Variants in EFCAB6 observed in about 807,000 individuals in gnomAD.
EFCAB6 encodes EF-hand calcium binding domain 6, also known as EF-hand calcium-binding domain-containing protein 6.
Under a neutral mutation model 169.8 loss-of-function variants are expected in EFCAB6, and 156 were observed. That is an observed-to-expected ratio of 0.92 (90% CI 0.81 to 1.05). The LOEUF (loss-of-function observed/expected upper bound fraction) is 1.05. Among genes scored for constraint, EFCAB6 ranks in the 50% least tolerant of loss-of-function variants. EFCAB6 has a pLI of 0.00. For synonymous variants in EFCAB6, 698 were observed against 676.4 expected, an observed-to-expected ratio of 1.03 and a Z score of -0.50; for missense variants, 1,800 against 1,829.1, an observed-to-expected ratio of 0.98 and a Z score of 0.29.
At chr22:43,804,700 G>A (rs1484141251) in intron 2 of EFCAB6, among the ~76,000 whole-genome samples, 1 of 150,540 alleles carries the variant, frequency 6.6e-6, no homozygotes, top group Non-Finnish European at 1.5e-5. Flanking sequence ...GCAGTTTGAG[G>A]CTGCAGTGAG....
intron 17 of EFCAB6, among the ~76,000 whole-genome samples, chr22:43,666,765 C>A (rs1166873656): frequency 7.2e-6 from 1 of 138,582 alleles, no homozygotes; most frequent in Non-Finnish European, 1.5e-5. Context: ...TCTCCACTGG[C>A]AGGCAGGGGC....
At chr22:43,689,522 C>T (rs1026593068) in intron 10 of EFCAB6, among the ~76,000 whole-genome samples, 2 of 152,176 alleles carry the variant, frequency 1.3e-5, no homozygotes, top group African/African-American at 4.8e-5. Context: ...CATCTGCCTT[C>T]ATCAAATGTG....
chr22:43,609,857 G>A (rs2053181710), intron 21 of EFCAB6, among the ~76,000 whole-genome samples: 2 of 152,238 alleles, frequency 1.3e-5, no homozygotes, highest in African/African-American at 2.4e-5. Flanking sequence ...GCACAGGCAA[G>A]CTGATCAGGG....
At chr22:43,696,514 C>G (rs1009472350) in intron 10 of EFCAB6, among the ~76,000 whole-genome samples, 55 of 152,276 alleles carry the variant, frequency 3.6e-4, no homozygotes, top group Middle Eastern at 3.4e-3. Flanking sequence ...GCAGTATCTT[C>G]TGTAATTACC....
intron 23 of EFCAB6, among the ~76,000 whole-genome samples, chr22:43,597,922 C>A (rs1266831345): frequency 6.6e-6 from 1 of 152,126 alleles, no homozygotes; most frequent in Non-Finnish European, 1.5e-5. Flanking sequence ...TCATTCACAG[C>A]AAGATGGACA....
intron 13 of EFCAB6, among the ~76,000 whole-genome samples, chr22:43,676,403 A>G (rs1603159420): frequency 6.8e-6 from 1 of 147,314 alleles, no homozygotes; most frequent in Admixed American, 6.9e-5. Flanking sequence ...TGGGCGACAG[A>G]GCAAGACTCC....
At chr22:43,543,921 C>T (rs2047893200) in intron 27 of EFCAB6, among the ~76,000 whole-genome samples, 1 of 152,158 alleles carries the variant, frequency 6.6e-6, no homozygotes, top group Non-Finnish European at 1.5e-5. Flanking sequence ...AGACATTTCT[C>T]TCTCCAACCT....
chr22:43,792,393 T>C (rs2062329658), intron 2 of EFCAB6, among the ~76,000 whole-genome samples: 3 of 152,252 alleles, frequency 2.0e-5, no homozygotes, highest in East Asian at 3.9e-4. Context: ...GTCAAGGGTG[T>C]GTGCAAGGGA....
At chr22:43,550,671 C>CAAA (rs955666013) in intron 27 of EFCAB6, among the ~76,000 whole-genome samples, 1 of 74,000 alleles carries the variant, frequency 1.4e-5, no homozygotes, top group African/African-American at 4.8e-5. Context: ...GACTCTGTCT[C>CAAA]AAAAAAAAAA....
At chr22:43,665,559 C>T (rs538458300) in intron 17 of EFCAB6, among the ~76,000 whole-genome samples, 6 of 152,298 alleles carry the variant, frequency 3.9e-5, no homozygotes, top group African/African-American at 7.2e-5. Flanking sequence ...ACCCGTGCCA[C>T]GTAGCTCAGG....
Position 43,755,852 on chromosome 22 carries a change from T to A in EFCAB6, c.441-20A>T, listed in dbSNP as rs2060940379. On this transcript the variant is annotated intron_variant, in intron 5 of 31. Transcript: ENST00000262726. ...CCTCCCCTTAGAAATAAAAAAAAAA[T>A]CTTTATTAAAACATTTTAACCAAAT... 3.2e-6 allele frequency: 5 copies of A among 1,562,772 alleles called. No individual in the cohort carries two copies. The highest frequency in any genetic ancestry group is 4.3e-6 in the Non-Finnish European group (5 of 1,154,768).
At chr22:43,595,538 T>C (rs1252803911) in intron 23 of EFCAB6, among the ~76,000 whole-genome samples, 1 of 151,978 alleles carries the variant, frequency 6.6e-6, no homozygotes, top group East Asian at 1.9e-4. Flanking sequence ...CCTACCAAGA[T>C]TGAACCATGA....
Position 43,537,141 on chromosome 22 carries a change from G to A in EFCAB6, c.4048+236C>T. ...GTGATTTCTAAAGCTCAGAGTTAGT[G>A]CAGCGCTGACTTTACCATGCAGATG... On this transcript the variant is annotated intron_variant, in intron 29 of 31. Coordinates refer to ENST00000262726, the MANE Select transcript of EFCAB6 (RefSeq NM_022785.4). This position sits in a 1 kb window ranked among gnomAD's most constrained non-coding sequence, Gnocchi z 4.3. The A allele has an allele frequency of 2.2e-6, 1 of 450,386 alleles. No homozygotes were observed. The highest frequency in any genetic ancestry group is 4.0e-6 in the Non-Finnish European group (1 of 252,414). The allele number at this position is 450,386 out of a possible 1,614,324, so 27.9% of individuals were successfully genotyped here. A position where few individuals can be genotyped will look rare whatever the true frequency, so the allele number is the denominator to read the frequency against.
chr22:43,802,663 C>CAAAGGGA, intron 2 of EFCAB6: 1 of 499,640 alleles, frequency 2.0e-6, no homozygotes, highest in Admixed American at 2.1e-5. Context: ...AGAAGGTACA[C>CAAAGGGA]AAAGGGAAAA....
chr22:43,614,291 AC>A (rs1365159098), intron 21 of EFCAB6, among the ~76,000 whole-genome samples: 5 of 152,118 alleles, frequency 3.3e-5, no homozygotes, highest in African/African-American at 7.2e-5. Context: ...AGACAAGTAG[AC>A]CAATGGAACA....
rs2050261471 is a variant in EFCAB6, at chr22:43,576,422, T to C, written c.3295A>G (p.Lys1099Glu). Residue 1099 changes from lysine (K) to glutamate (E), a missense_variant, in exon 26 of 32, where the codon AAG becomes GAG. Transcript: ENST00000262726. Reference sequence around the variant, plus strand: ...TCCGTTAGTTTGTAACAGAAATCCTTAAGAACTTGTCCGAATTCTGTAGCC... The same window carrying C: ...TCCGTTAGTTTGTAACAGAAATCCTCAAGAACTTGTCCGAATTCTGTAGCC... ...VKATEFGQVL[K>E]DFCYKLTDNQ... 4.4e-6 allele frequency: 7 copies of C among 1,604,800 alleles called. No individual in the cohort carries two copies. The highest frequency in any genetic ancestry group is 5.1e-6 in the Non-Finnish European group (6 of 1,177,460).
chr22:43,691,394 G>A (rs1034423), intron 10 of EFCAB6, among the ~76,000 whole-genome samples: 27,651 of 151,304 alleles, frequency 0.18, 2,598 homozygotes, highest in Non-Finnish European at 0.2. Flanking sequence ...AAATCGCCTC[G>A]CTCTTTGGGG....
intron 24 of EFCAB6, among the ~76,000 whole-genome samples, chr22:43,587,210 G>A (rs1315784315): frequency 6.6e-6 from 1 of 152,148 alleles, no homozygotes; most frequent in Non-Finnish European, 1.5e-5. Flanking sequence ...AACCCTAATG[G>A]AAGACCTGGA....
chr22:43,737,059 C>T (rs1227807212), intron 6 of EFCAB6, among the ~76,000 whole-genome samples: 1 of 152,042 alleles, frequency 6.6e-6, no homozygotes, highest in Non-Finnish European at 1.5e-5. Flanking sequence ...GCTTGACTCC[C>T]TCCTCCCCTC....
Sources: gnomAD v4.1 joint callset for allele counts (sites outside exome capture counted in the v4.1 genomes callset) on GRCh38, gnomAD v4.1.1 for gene constraint, Gnocchi (gnomAD v3.1) non-coding constraint, MANE v1.5 for transcripts, NCBI Gene and HGNC (gene_info 2026-07-23, HGNC 2026-07-21) for gene names.